DNM3: variants seen among roughly 807,000 people sequenced by gnomAD.
DNM3 encodes dynamin 3, also known as dynamin-3.
Under a neutral mutation model 101.6 loss-of-function variants are expected in DNM3, and 47 were observed. The observed-to-expected ratio is 0.46, with a 90% CI of 0.37 to 0.59. The LOEUF (loss-of-function observed/expected upper bound fraction) is 0.59. DNM3 is among the 20% of genes least tolerant of loss of function. The pLI is 0.00. For missense variants in DNM3, 849 were observed against 1,085.7 expected (o/e 0.78, Z 3.06); for synonymous variants, 385 against 387.9 (o/e 0.99, Z 0.09).
In DNM3 at chr1:172,063,805, A is replaced by G. The variant is rs544918269; in HGVS notation, c.1336-5014A>G. Among the ~76,000 whole-genome samples the G allele has an allele frequency of 1.2e-3, 185 of 151,626 alleles. 2 individuals are homozygous for G. The highest frequency in any genetic ancestry group is 4.2e-3 in the African/African-American group (173 of 41,416). On this transcript the variant is annotated intron_variant, in intron 10 of 20. Transcript: ENST00000627582. ...AAAAAAAAAAAAAAAAGAATATTCAATGCAATTTGAACTATAAGCTATTTA... is the reference window on the plus strand; with the variant it reads ...AAAAAAAAAAAAAAAAGAATATTCAGTGCAATTTGAACTATAAGCTATTTA...
chr1:171,990,785 T>C (rs2045580846), intron 4 of DNM3, among the ~76,000 whole-genome samples: 1 of 152,264 alleles, frequency 6.6e-6, no homozygotes, highest in African/African-American at 2.4e-5. Context: ...ACTGTTTTTT[T>C]CTTCTTGGTT....
At chr1:172,104,586 AT>A (rs2054881443) in intron 13 of DNM3, among the ~76,000 whole-genome samples, 1 of 152,122 alleles carries the variant, frequency 6.6e-6, no homozygotes, top group Admixed American at 6.5e-5. Flanking sequence ...TTTATTAACA[AT>A]TTTTTAACTT....
At chr1:172,275,144 G>A (rs1169377053) in intron 15 of DNM3, among the ~76,000 whole-genome samples, 73 of 152,020 alleles carry the variant, frequency 4.8e-4, no homozygotes, top group Admixed American at 4.8e-3. Flanking sequence ...TTATGGTAGT[G>A]TGGGCTCATC....
intron 1 of DNM3, among the ~76,000 whole-genome samples, chr1:171,880,726 A>C (rs2036193089): frequency 6.6e-6 from 1 of 152,184 alleles, no homozygotes; most frequent in Non-Finnish European, 1.5e-5. Context: ...GGATGGTCTA[A>C]GAGAAAATAT....
intron 15 of DNM3, among the ~76,000 whole-genome samples, chr1:172,296,792 C>T (rs74124018): frequency 0.1 from 15,264 of 152,112 alleles, 1,061 homozygotes; most frequent in African/African-American, 0.2. Flanking sequence ...ATTTGTAGTA[C>T]TGAGAAAAGC....
chr1:172,216,437 T>G (rs2060701499), intron 14 of DNM3, among the ~76,000 whole-genome samples: 2 of 152,018 alleles, frequency 1.3e-5, no homozygotes, highest in Non-Finnish European at 2.9e-5. Flanking sequence ...CATTTAAAAA[T>G]AAGCAGAAAT....
At chr1:172,155,547 A>T (rs1009188563) in intron 14 of DNM3, among the ~76,000 whole-genome samples, 3 of 152,096 alleles carry the variant, frequency 2.0e-5, no homozygotes, top group Non-Finnish European at 4.4e-5. Context: ...AATAATTAAT[A>T]CATAATTTGT....
intron 15 of DNM3, chr1:172,289,596 ATTC>A (rs1384156092): frequency 2.4e-5 from 23 of 960,244 alleles, no homozygotes; most frequent in Non-Finnish European, 2.7e-5. Context: ...AAAATATTAT[ATTC>A]TTCTTTGCTT....
chr1:171,987,451 C>T, intron 2 of DNM3: 1 of 602,376 alleles, frequency 1.7e-6, no homozygotes, highest in Non-Finnish European at 2.1e-6. Flanking sequence ...TGAAAATTGG[C>T]AAATTTAGCA....
At chr1:171,878,784 C>G (rs1417350983) in intron 1 of DNM3, among the ~76,000 whole-genome samples, 3 of 152,080 alleles carry the variant, frequency 2.0e-5, no homozygotes, top group Non-Finnish European at 4.4e-5. Context: ...CTTCATCAAG[C>G]AGATTCCAAC....
chr1:172,233,343 G>A (rs1425993001), intron 14 of DNM3, among the ~76,000 whole-genome samples: 1 of 152,100 alleles, frequency 6.6e-6, no homozygotes, highest in African/African-American at 2.4e-5. Flanking sequence ...AAACCAGGAA[G>A]AAGTTGAATC....
At chr1:172,032,033 T>C (rs1269532031) in intron 4 of DNM3, among the ~76,000 whole-genome samples, 1 of 152,208 alleles carries the variant, frequency 6.6e-6, no homozygotes, top group Non-Finnish European at 1.5e-5. Context: ...TTGCTTTTAA[T>C]AATGTAATAC....
At chr1:172,317,360 C>A (rs2148897140) in intron 16 of DNM3, among the ~76,000 whole-genome samples, 1 of 151,822 alleles carries the variant, frequency 6.6e-6, no homozygotes, top group Admixed American at 6.6e-5. Flanking sequence ...CATTCAAAAG[C>A]TAGCAGAAGG....
At chr1:171,956,220 C>A (rs1233375671) in intron 2 of DNM3, among the ~76,000 whole-genome samples, 1 of 152,184 alleles carries the variant, frequency 6.6e-6, no homozygotes, top group African/African-American at 2.4e-5. Flanking sequence ...TCGAAAGTCT[C>A]ATCTGAGACA....
intron 10 of DNM3, among the ~76,000 whole-genome samples, chr1:172,056,188 T>G (rs2050600572): frequency 6.6e-6 from 1 of 152,066 alleles, no homozygotes; most frequent in Admixed American, 6.6e-5. Context: ...GCTCAGAGGG[T>G]CCTACGCCCA....
intron 14 of DNM3, chr1:172,133,023 A>C (rs747633318): frequency 6.6e-7 from 1 of 1,507,572 alleles, no homozygotes; most frequent in African/African-American, 1.4e-5. Context: ...AGAATCCCAG[A>C]GATGCCTGGA....
At chr1:172,308,882 T>C (rs773392290) in intron 16 of DNM3, 43 bp downstream of exon 16, 1 of 1,191,152 alleles carries the variant, frequency 8.4e-7, no homozygotes, top group South Asian at 1.4e-5. Flanking sequence ...TTATTAGCTA[T>C]GCTTAAGAAA....
At chr1:172,212,555 T>G (rs1331079640) in intron 14 of DNM3, among the ~76,000 whole-genome samples, 1 of 152,170 alleles carries the variant, frequency 6.6e-6, no homozygotes. Context: ...TTCTGAGCTT[T>G]TCACATTTCT....
At chr1:172,372,884 A>G (rs985473408) in intron 17 of DNM3, among the ~76,000 whole-genome samples, 2 of 151,700 alleles carry the variant, frequency 1.3e-5, no homozygotes, top group East Asian at 2.0e-4. Flanking sequence ...AGGTTTCATC[A>G]TGTTGCCCAG....
Sources: allele counts gnomAD v4.1 joint callset (sites outside exome capture counted in the v4.1 genomes callset), GRCh38; gene constraint gnomAD v4.1.1; transcripts MANE v1.5; gene names NCBI Gene and HGNC (gene_info 2026-07-23, HGNC 2026-07-21).